Variants in ARHGEF11 observed in about 807,000 individuals in gnomAD.
The protein encoded by ARHGEF11 is Rho guanine nucleotide exchange factor 11.
In ARHGEF11, 55 loss-of-function variants were observed where a neutral mutation model predicts 193.7. That is an observed-to-expected ratio of 0.28 (90% CI 0.23 to 0.36). ARHGEF11 has a LOEUF of 0.36. Ranked by LOEUF, ARHGEF11 falls within the 10% of genes least tolerant of loss-of-function variation. The probability of loss-of-function intolerance (pLI) is 1.00; values close to 1 mark genes in which losing one functional copy is unlikely to be tolerated. For missense variants in ARHGEF11, 1,723 were observed against 2,005.6 expected (o/e 0.86, Z 2.69); for synonymous variants, 693 against 768.0 (o/e 0.90, Z 1.62).
intron 1 of ARHGEF11, among the ~76,000 whole-genome samples, chr1:157,029,835 C>T (rs1671085290): frequency 6.6e-6 from 1 of 152,170 alleles, no homozygotes; most frequent in Non-Finnish European, 1.5e-5. Flanking sequence ...AGTACTTATA[C>T]ACACTAAAAC....
intron 1 of ARHGEF11, among the ~76,000 whole-genome samples, chr1:156,988,934 T>A (rs759058073): frequency 2.6e-5 from 4 of 152,166 alleles, no homozygotes; most frequent in Non-Finnish European, 4.4e-5. Context: ...GTTGTGAGTC[T>A]GAGCACATAT....
At chr1:156,987,794 G>A (rs1665144850) in intron 1 of ARHGEF11, among the ~76,000 whole-genome samples, 2 of 152,130 alleles carry the variant, frequency 1.3e-5, no homozygotes, top group Admixed American at 6.5e-5. Flanking sequence ...GTGGGCCCAG[G>A]AGAGAGCAAC....
intron 11 of ARHGEF11, among the ~76,000 whole-genome samples, chr1:156,965,199 A>C (rs1304698620): frequency 1.3e-5 from 2 of 152,196 alleles, no homozygotes; most frequent in African/African-American, 2.4e-5. Flanking sequence ...TCAGAAGGAA[A>C]ACAAGGGCTC....
intron 1 of ARHGEF11, among the ~76,000 whole-genome samples, chr1:157,014,484 C>T (rs868729056): frequency 2.0e-5 from 3 of 151,944 alleles, no homozygotes; most frequent in Admixed American, 6.6e-5. Flanking sequence ...TGTAGCTTAC[C>T]GCAGCCTCAA....
At chr1:156,962,550 C>T (rs1486069792) in intron 13 of ARHGEF11, among the ~76,000 whole-genome samples, 2 of 152,084 alleles carry the variant, frequency 1.3e-5, no homozygotes, top group African/African-American at 2.4e-5. Flanking sequence ...ACTCTCTCAA[C>T]TCCCTAGTCG....
At chr1:156,941,533 G>C (rs1416853671) in intron 34 of ARHGEF11, 100 bp from the exon 35 acceptor site, 2 of 1,339,678 alleles carry the variant, frequency 1.5e-6, no homozygotes, top group Non-Finnish European at 2.1e-6. Flanking sequence ...AGGACGGTGT[G>C]GGCCTCTTCA....
rs772935093 is a variant in ARHGEF11, at chr1:156,963,202, C to T, written c.1140+1G>A. On this transcript the variant is annotated splice_donor_variant, in intron 13 of 40. Transcript: ENST00000368194. LOFTEE classifies it high-confidence loss of function. The stretch of plus-strand genomic sequence containing the variant: ...AATCAAGACAGATGATTCTGACTTA[C>T]CAGTGGACTGGGGTCCGCCTGAGAG... 6.2e-7 allele frequency: 1 copy of T among 1,611,496 alleles called. No homozygotes were observed. Among genetic ancestry groups the T allele is most frequent in the South Asian group, 1.1e-5 (1 of 90,952 alleles).
chr1:156,954,644 T>C (rs1659678340), intron 21 of ARHGEF11, among the ~76,000 whole-genome samples: 2 of 152,228 alleles, frequency 1.3e-5, no homozygotes, highest in Admixed American at 1.3e-4. Flanking sequence ...CCCCTGGAAC[T>C]CTGAGTTAGG....
intron 1 of ARHGEF11, among the ~76,000 whole-genome samples, chr1:157,013,679 C>T (rs1668849840): frequency 6.7e-6 from 1 of 150,290 alleles, no homozygotes; most frequent in Non-Finnish European, 1.5e-5. Context: ...ACCTCCACTA[C>T]TCACACCCAG....
chr1:156,976,307 T>C (rs1572407), intron 7 of ARHGEF11, among the ~76,000 whole-genome samples: 98,813 of 151,946 alleles, frequency 0.65, 33,706 homozygotes, highest in East Asian at 0.85. Flanking sequence ...CTCTGTGAAG[T>C]GCTTCCCCAT....
chr1:156,970,197 T>C (rs1477915654), intron 8 of ARHGEF11, among the ~76,000 whole-genome samples, 154 bp from the exon 9 acceptor site: 2 of 152,222 alleles, frequency 1.3e-5, no homozygotes, highest in Non-Finnish European at 2.9e-5. Flanking sequence ...TTGCTTCATT[T>C]GTACAGTTTG....
At position 156,939,779 on chromosome 1, in the gene ARHGEF11, C is replaced by T; in HGVS notation, c.3865G>A (p.Asp1289Asn). The T allele has an allele frequency of 6.2e-7, 1 of 1,613,914 alleles. No homozygotes were observed. The highest frequency in any genetic ancestry group is 8.5e-7 in the Non-Finnish European group (1 of 1,179,952). The part of the protein sequence containing the change: ...SVISVTSHPW[D>N]PGSPGQAPPG... Reference sequence around the variant, plus strand: ...GGTGCTTGCCCTGGGGAGCCTGGGTCCCAGGGGTGAGAGGTGACGCTGATG... The same window carrying T: ...GGTGCTTGCCCTGGGGAGCCTGGGTTCCAGGGGTGAGAGGTGACGCTGATG... Residue 1289 changes from aspartate to asparagine, a missense_variant, in exon 37 of 41, where the codon GAC (aspartate) becomes AAC (asparagine). Around this residue, in one of 5 missense-constraint regions of ARHGEF11, gnomAD observed 203 missense variants for 237.3 expected, o/e 0.86. Coordinates refer to ENST00000368194, the MANE Select transcript of ARHGEF11 (RefSeq NM_198236.3).
chr1:157,025,044 G>C (rs1355533342), intron 1 of ARHGEF11, among the ~76,000 whole-genome samples: 2 of 152,184 alleles, frequency 1.3e-5, no homozygotes, highest in African/African-American at 4.8e-5. Flanking sequence ...CACAACCTCT[G>C]TCTAGCACAG....
At chr1:156,959,234 C>T (rs1449480895) in intron 15 of ARHGEF11, 92 bp from the exon 16 acceptor site, 1 of 1,044,256 alleles carries the variant, frequency 9.6e-7, no homozygotes, top group Non-Finnish European at 1.4e-6. Context: ...ATTTCAGCTC[C>T]CTATGACACT....
In ARHGEF11 at chr1:156,948,900, C is replaced by A; in HGVS notation, c.1926-402G>T. 1 of 985,432 alleles carries A rather than the reference C, an allele frequency of 1.0e-6. No individual in the cohort carries two copies. The highest frequency in any genetic ancestry group is 1.2e-6 in the Non-Finnish European group (1 of 829,918). The allele number at this position is 985,432 out of a possible 1,614,324, so 61.0% of individuals were successfully genotyped here. ...AACACAAGGTCCCAGCTCCCTGCCCCTAGTGGCCAGTTCACGTTGCCTCTG... is the reference window on the plus strand; with the variant it reads ...AACACAAGGTCCCAGCTCCCTGCCCATAGTGGCCAGTTCACGTTGCCTCTG... On this transcript the variant is annotated intron_variant, in intron 22 of 40. Transcript: ENST00000368194. The surrounding 1 kb of genome is among the most constrained non-coding windows in gnomAD (Gnocchi z 4.2).
intron 1 of ARHGEF11, among the ~76,000 whole-genome samples, chr1:157,039,693 A>C (rs931536324): frequency 1.3e-5 from 2 of 152,212 alleles, no homozygotes; most frequent in African/African-American, 4.8e-5. Context: ...TATATCTTTG[A>C]GTTAAGCTTA....
intron 18 of ARHGEF11, among the ~76,000 whole-genome samples, chr1:156,956,969 T>C (rs1013130273): frequency 4.6e-5 from 7 of 152,062 alleles, no homozygotes; most frequent in Admixed American, 2.6e-4. Context: ...CAGGCATATG[T>C]GCAGGGGTGG....
chr1:156,944,281 G>T, intron 31 of ARHGEF11, 77 bp downstream of exon 31: 1 of 1,516,088 alleles, frequency 6.6e-7, no homozygotes, highest in Non-Finnish European at 9.1e-7. Flanking sequence ...ATGTTTCCAT[G>T]CTTGGGAAAG....
intron 1 of ARHGEF11, among the ~76,000 whole-genome samples, chr1:157,033,716 G>A (rs774138964): frequency 2.6e-5 from 4 of 152,114 alleles, no homozygotes; most frequent in Admixed American, 6.5e-5. Flanking sequence ...ACAGATCACA[G>A]CCACTTGCAA....
Sources: gnomAD v4.1 joint callset for allele counts (sites outside exome capture counted in the v4.1 genomes callset) on GRCh38, gnomAD v4.1.1 for gene constraint, gnomAD v4.1.1 regional missense constraint, Gnocchi (gnomAD v3.1) non-coding constraint, MANE v1.5 for transcripts, NCBI Gene and HGNC (gene_info 2026-07-23, HGNC 2026-07-21) for gene names.